PI4KA: variants seen among roughly 807,000 people sequenced by gnomAD.
The protein encoded by PI4KA is PI4-kinase alpha.
PI4KA carries 122 observed loss-of-function variants against 271.4 expected under a neutral mutation model. That is an observed-to-expected ratio of 0.45 (90% CI 0.39 to 0.52). The LOEUF is 0.52. Ranked by LOEUF, PI4KA falls within the 20% of genes least tolerant of loss-of-function variation. The probability of loss-of-function intolerance (pLI) is 0.00; values close to 1 mark genes in which losing one functional copy is unlikely to be tolerated. For missense variants in PI4KA, 1,969 were observed against 2,769.1 expected, an observed-to-expected ratio of 0.71 and a Z score of 6.48; for synonymous variants, 1,041 against 1,078.8, an observed-to-expected ratio of 0.96 and a Z score of 0.69.
rs1014219728 is a variant in PI4KA, at chr22:20,739,963, G to A, written c.3741+2265C>T. On this transcript the variant is annotated intron_variant, in intron 32 of 54. Coordinates refer to ENST00000255882, the MANE Select transcript of PI4KA (RefSeq NM_058004.4). ...TGTAATCCCACTTACTTGGGAGGCTGAGGTGGGAGAATCACTTGAACCCAC... is the reference window on the plus strand; with the variant it reads ...TGTAATCCCACTTACTTGGGAGGCTAAGGTGGGAGAATCACTTGAACCCAC... Among the ~76,000 whole-genome samples, 3 of 150,978 alleles carry A rather than the reference G, an allele frequency of 2.0e-5. No individual in the cohort carries two copies. In the South Asian group the frequency reaches 6.3e-4, roughly 32 times the overall value.
intron 3 of PI4KA, among the ~76,000 whole-genome samples, chr22:20,826,219 T>C (rs1923404814): frequency 6.6e-6 from 1 of 152,124 alleles, no homozygotes; most frequent in African/African-American, 2.4e-5. Flanking sequence ...GGCACATGCC[T>C]ATAATCCCAG....
chr22:20,770,625 C>CAT (rs1569011844), intron 19 of PI4KA, among the ~76,000 whole-genome samples: 1 of 139,682 alleles, frequency 7.2e-6, no homozygotes, highest in East Asian at 2.1e-4. Context: ...CACACACACA[C>CAT]ACACACAAGC....
chr22:20,762,552 C>A (rs1484821245), intron 22 of PI4KA, among the ~76,000 whole-genome samples: 1 of 152,136 alleles, frequency 6.6e-6, no homozygotes, highest in Non-Finnish European at 1.5e-5. Flanking sequence ...TCCTGAGAAC[C>A]TGAGAAAACT....
intron 26 of PI4KA, 135 bp downstream of exon 26, chr22:20,751,539 A>G: frequency 1.0e-6 from 1 of 953,062 alleles, no homozygotes. Context: ...CCTCACCCCC[A>G]ACTCGACACC....
intron 45 of PI4KA, among the ~76,000 whole-genome samples, chr22:20,716,891 A>G (rs1926067291): frequency 6.6e-6 from 1 of 152,226 alleles, no homozygotes; most frequent in African/African-American, 2.4e-5. Context: ...AGCTGAGACC[A>G]GCCGCTGTGA....
intron 1 of PI4KA, among the ~76,000 whole-genome samples, chr22:20,848,166 A>T (rs1926504688): frequency 7.2e-6 from 1 of 139,488 alleles, no homozygotes; most frequent in Non-Finnish European, 1.5e-5. Flanking sequence ...TGAACCCAGG[A>T]GGCGGAGGTT....
At chr22:20,726,189 T>C (rs1347699343) in intron 42 of PI4KA, 1 of 319,362 alleles carries the variant, frequency 3.1e-6, no homozygotes, top group African/African-American at 2.2e-5. Flanking sequence ...ATTCAGGGAT[T>C]TGAGGGGACC....
chr22:20,764,650 T>G (rs577747333), intron 22 of PI4KA, 167 bp downstream of exon 22: 42 of 601,898 alleles, frequency 7.0e-5, no homozygotes, highest in Admixed American at 4.4e-4. Flanking sequence ...CTGGTGGTCA[T>G]GAAGGAGGGG....
At chr22:20,825,405 G>GC (rs1233021369) in intron 3 of PI4KA, among the ~76,000 whole-genome samples, 1 of 152,136 alleles carries the variant, frequency 6.6e-6, no homozygotes, top group East Asian at 1.9e-4. Context: ...GACCAGCCCA[G>GC]CCAACATGGC....
At chr22:20,806,939 T>C (rs151003314) in intron 10 of PI4KA, among the ~76,000 whole-genome samples, 4,512 of 152,050 alleles carry the variant, frequency 0.03, 89 homozygotes, top group Middle Eastern at 0.061. Context: ...TCACCCTGTT[T>C]GGCAAGGCTG....
In PI4KA at chr22:20,730,931, C is replaced by CT. The variant is rs576012876; in HGVS notation, c.4289-921dup. ...GTGGCTCATGCCTGTAATCCCAGCA[C>CT]TTTGGGAGGCTGAGGCAGGTGGATT... On this transcript the variant is annotated intron_variant, in intron 36 of 54. Transcript: ENST00000255882. Among the ~76,000 whole-genome samples the CT allele has an allele frequency of 3.0e-3, 463 of 152,034 alleles. 2 individuals carry two copies. Among genetic ancestry groups the CT allele is most frequent in the African/African-American group, 0.011 (444 of 41,518 alleles).
chr22:20,731,620 C>T (rs937232931), intron 36 of PI4KA, among the ~76,000 whole-genome samples: 1 of 152,086 alleles, frequency 6.6e-6, no homozygotes, highest in Non-Finnish European at 1.5e-5. Flanking sequence ...ATGGTGAAGC[C>T]CTGTCTCTAC....
intron 53 of PI4KA, among the ~76,000 whole-genome samples, 190 bp downstream of exon 53, chr22:20,709,718 C>T (rs1442020969): frequency 2.5e-5 from 3 of 122,036 alleles, no homozygotes; most frequent in African/African-American, 6.8e-5. Flanking sequence ...CTGGTGTGGC[C>T]GGCACAAGCA....
intron 8 of PI4KA, 80 bp from the exon 9 acceptor site, chr22:20,811,112 G>A (rs536510015): frequency 9.8e-7 from 1 of 1,024,806 alleles, no homozygotes; most frequent in African/African-American, 1.6e-5. Flanking sequence ...GAAAACCCAT[G>A]ACAAACTCAC....
At chr22:20,763,660 G>A (rs888255269) in intron 22 of PI4KA, among the ~76,000 whole-genome samples, 2 of 152,060 alleles carry the variant, frequency 1.3e-5, no homozygotes, top group Admixed American at 6.6e-5. Context: ...GGCTGGTCTC[G>A]AACTACTGGC....
chr22:20,736,255 C>T (rs967265368), intron 32 of PI4KA, among the ~76,000 whole-genome samples: 6 of 151,554 alleles, frequency 4.0e-5, no homozygotes, highest in Non-Finnish European at 7.4e-5. Context: ...CCCAGGAGGG[C>T]AGCTTCAAAA....
At chr22:20,750,870 C>G (rs1228477631) in intron 27 of PI4KA, among the ~76,000 whole-genome samples, 1 of 152,186 alleles carries the variant, frequency 6.6e-6, no homozygotes, top group African/African-American at 2.4e-5. Context: ...GCCAGTTTCC[C>G]CATTGGATAG....
At position 20,780,775 on chromosome 22, in the gene PI4KA, C is replaced by CAAAAAAAAAAAAAAAAAAA. The variant is rs538327544; in HGVS notation, c.2328+12417_2328+12418insTTTTTTTTTTTTTTTTTTT. ...TGGACGACAGAGTGAGACTCCATCT[C>CAAAAAAAAAAAAAAAAAAA]AAAAAAAAAAAAAAAAGAAGTAAAA... On this transcript the variant is annotated intron_variant, in intron 19 of 54. Coordinates refer to ENST00000255882, the MANE Select transcript of PI4KA (RefSeq NM_058004.4). Among the ~76,000 whole-genome samples, 121 of 67,472 alleles carry CAAAAAAAAAAAAAAAAAAA rather than the reference C, an allele frequency of 1.8e-3. 3 individuals are homozygous for CAAAAAAAAAAAAAAAAAAA. The highest frequency in any genetic ancestry group is 2.4e-3 in the African/African-American group (37 of 15,142). The allele number at this position is 67,472 out of a possible 152,430, so 44.3% of individuals were successfully genotyped here.
rs1555894633 is a variant in PI4KA, at chr22:20,785,067, C to CCTTT, written c.2328+8125_2328+8126insAAAG. Among the ~76,000 whole-genome samples the CCTTT allele has an allele frequency of 3.0e-5, 4 of 134,448 alleles. 1 individual carries two copies. 88.2% of individuals were successfully genotyped at this position (134,448 alleles called of 152,430 possible). A position where few individuals can be genotyped will look rare whatever the true frequency, so the allele number is the denominator to read the frequency against. On this transcript the variant is annotated intron_variant, in intron 19 of 54. Transcript: ENST00000255882. ...GCAGCTCTTGAGAAAGGGACTGCAT[C>CCTTT]TTTTTTTTTTTTTTTTTTTTGAGAC...
Sources: allele counts gnomAD v4.1 joint callset (sites outside exome capture counted in the v4.1 genomes callset), GRCh38; gene constraint gnomAD v4.1.1; transcripts MANE v1.5; gene names NCBI Gene and HGNC (gene_info 2026-07-23, HGNC 2026-07-21).